The following PPP1R8 variants were observed in gnomAD, a reference collection of about 807,000 sequenced individuals.
The protein encoded by PPP1R8 is nuclear inhibitor of protein phosphatase 1.
In PPP1R8, 4 loss-of-function variants were observed where a neutral mutation model predicts 31.3. The observed-to-expected ratio is 0.13, with a 90% CI of 0.06 to 0.29. The LOEUF is 0.29. Ranked by LOEUF, PPP1R8 falls within the 10% of genes least tolerant of loss-of-function variation. The pLI is 1.00. For synonymous variants in PPP1R8, 170 were observed against 169.7 expected, an observed-to-expected ratio of 1.00 and a Z score of -0.01; for missense variants, 254 against 440.1, an observed-to-expected ratio of 0.58 and a Z score of 3.78.
At chr1:27,831,446 C>T (rs530583945) in intron 1 of PPP1R8, 306 of 757,476 alleles carry the variant, frequency 4.0e-4, no homozygotes, top group Non-Finnish European at 4.8e-4. Context: ...GGCATGAACC[C>T]TTTTTATCCC....
chr1:27,850,284 C>G lies in PPP1R8; in HGVS notation c.894C>G (p.Ala298=). 2 of 1,614,214 alleles carry G rather than the reference C, an allele frequency of 1.2e-6. No individual in the cohort carries two copies. Among genetic ancestry groups the G allele is most frequent in the Non-Finnish European group, 1.7e-6 (2 of 1,180,052 alleles). The change falls in exon 7 of 7, where the codon GCC becomes GCG. Residue 298 remains alanine (A), a synonymous_variant. Coordinates refer to ENST00000311772, the MANE Select transcript of PPP1R8 (RefSeq NM_014110.5). The part of the protein sequence containing the change: ...GGLPMPYPNL[A]PDVDLTPVVP... ...TGCCCATGCCATACCCAAACCTTGC[C>G]CCTGATGTGGACTTGACTCCTGTTG...
intron 5 of PPP1R8, among the ~76,000 whole-genome samples, chr1:27,845,914 C>T (rs1215642128): frequency 6.0e-5 from 9 of 150,926 alleles, no homozygotes; most frequent in Admixed American, 3.3e-4. Context: ...CTCAGCGTCC[C>T]GAGTAGCTGG....
chr1:27,841,333 A>C (rs991083119), intron 4 of PPP1R8, 99 bp downstream of exon 4: 2 of 1,308,562 alleles, frequency 1.5e-6, no homozygotes, highest in African/African-American at 2.9e-5. Context: ...ACTTAGCAGC[A>C]GGGGGTTCTC....
At chr1:27,839,398 G>A (rs568353273) in intron 3 of PPP1R8, among the ~76,000 whole-genome samples, 1 of 151,996 alleles carries the variant, frequency 6.6e-6, no homozygotes, top group Non-Finnish European at 1.5e-5. Context: ...TGTGGCGGCG[G>A]GTGCCTGTAA....
At position 27,851,424 on chromosome 1, in the gene PPP1R8, T is replaced by A; in HGVS notation, c.*978T>A. 2.5e-6 allele frequency: 1 copy of A among 399,884 alleles called. No individual in the cohort carries two copies. Among genetic ancestry groups the A allele is most frequent in the African/African-American group, 2.1e-5 (1 of 48,468 alleles). 24.8% of individuals were successfully genotyped at this position (399,884 alleles called of 1,614,324 possible). On this transcript the variant is annotated 3_prime_UTR_variant, in exon 7 of 7. Transcript: ENST00000311772. ...AAGTTAGGAAACATTGATACAAGCT[T>A]TGTACAGAGATTTGTACATTTGTGT... is the stretch of plus-strand genomic sequence containing the variant.
intron 3 of PPP1R8, among the ~76,000 whole-genome samples, chr1:27,839,289 A>G (rs1356255705): frequency 6.6e-6 from 1 of 152,190 alleles, no homozygotes; most frequent in Non-Finnish European, 1.5e-5. Context: ...GCACTTTGGG[A>G]GGCCGAGGTG....
At chr1:27,834,709 T>G (rs562876054) in intron 2 of PPP1R8, 4 of 336,062 alleles carry the variant, frequency 1.2e-5, no homozygotes, top group Non-Finnish European at 1.8e-5. Context: ...ACATACTGTT[T>G]TCTGTTAAAA....
chr1:27,850,473 A>AT lies in PPP1R8; in HGVS notation c.*29dup. ...ATTTTTGGTCATGGAGAAGGGTGGGATTGGGTGGGAATGGGGTGGAAGGGT... is the reference window on the plus strand; with the variant it reads ...ATTTTTGGTCATGGAGAAGGGTGGGATTTGGGTGGGAATGGGGTGGAAGGGT... On this transcript the variant is annotated 3_prime_UTR_variant, in exon 7 of 7. Coordinates refer to ENST00000311772, the MANE Select transcript of PPP1R8 (RefSeq NM_014110.5). 2.2e-6 allele frequency: 1 copy of AT among 461,088 alleles called. No individual in the cohort carries two copies. Among genetic ancestry groups the AT allele is most frequent in the Non-Finnish European group, 4.5e-6 (1 of 222,310 alleles). The allele number at this position is 461,088 out of a possible 1,614,324, so 28.6% of individuals were successfully genotyped here. A position where few individuals can be genotyped will look rare whatever the true frequency, so the allele number is the denominator to read the frequency against.
At position 27,838,687 on chromosome 1, in the gene PPP1R8, A is replaced by T; in HGVS notation, c.118-12A>T. Reference sequence around the variant, plus strand: ...CAAGATTTAAGTAATATTTAATTTAATATTTATTTAGAAACTGATTATTGA... The same window carrying T: ...CAAGATTTAAGTAATATTTAATTTATTATTTATTTAGAAACTGATTATTGA... On this transcript the variant is annotated splice_polypyrimidine_tract_variant and intron_variant, in intron 2 of 6. Transcript: ENST00000311772. The T allele has an allele frequency of 7.0e-7, 1 of 1,434,760 alleles. No homozygotes were observed. The highest frequency in any genetic ancestry group is 1.4e-5 in the South Asian group (1 of 69,116). The allele number at this position is 1,434,760 out of a possible 1,614,324, so 88.9% of individuals were successfully genotyped here. A position where few individuals can be genotyped will look rare whatever the true frequency, so the allele number is the denominator to read the frequency against.
chr1:27,847,944 G>T (rs1245853447), intron 6 of PPP1R8, among the ~76,000 whole-genome samples: 1 of 152,190 alleles, frequency 6.6e-6, no homozygotes, highest in Admixed American at 6.5e-5. Context: ...CCAGAGGGGT[G>T]CAGAGAGAGG....
intron 1 of PPP1R8, among the ~76,000 whole-genome samples, chr1:27,832,161 T>C (rs375232448): frequency 6.6e-6 from 1 of 152,350 alleles, no homozygotes; most frequent in East Asian, 1.9e-4. Context: ...GGTATGGCTG[T>C]AGGATATAGA....
intron 1 of PPP1R8, among the ~76,000 whole-genome samples, chr1:27,831,891 T>TA (rs1302585404): frequency 6.6e-6 from 1 of 152,206 alleles, no homozygotes; most frequent in Non-Finnish European, 1.5e-5. Flanking sequence ...AGGTGGTTCT[T>TA]TTTTCTAACT....
Position 27,850,138 on chromosome 1 carries a change from G to A in PPP1R8, c.748G>A (p.Gly250Arg). ...GPGSLGLEES[G>R]SRRMQNFAFS... Reference sequence around the variant, plus strand: ...TGGCTCCCTGGGCCTGGAGGAATCAGGGAGCAGGCGCATGCAGAACTTTGC... The same window carrying A: ...TGGCTCCCTGGGCCTGGAGGAATCAAGGAGCAGGCGCATGCAGAACTTTGC... The change falls in exon 7 of 7, where the codon GGG (glycine) becomes AGG (arginine). Residue 250 changes from glycine (G) to arginine (R), a missense_variant. Physicochemically the swap from Gly to Arg is moderately radical, Grantham distance 125 (BLOSUM62 -2). Around this residue, in one of 6 missense-constraint regions of PPP1R8, gnomAD observed 105 missense variants for 128.0 expected, o/e 0.82. Coordinates refer to ENST00000311772, the MANE Select transcript of PPP1R8 (RefSeq NM_014110.5). 6.2e-7 allele frequency: 1 copy of A among 1,604,774 alleles called. No homozygotes were observed.
At chr1:27,836,841 G>A (rs898594701) in intron 2 of PPP1R8, among the ~76,000 whole-genome samples, 10 of 151,624 alleles carry the variant, frequency 6.6e-5, no homozygotes, top group Non-Finnish European at 1.3e-4. Context: ...AGACCAGCCT[G>A]GGCAACATGG....
intron 1 of PPP1R8, chr1:27,831,095 C>T (rs1193018672): frequency 1.2e-5 from 17 of 1,361,620 alleles, no homozygotes; most frequent in Non-Finnish European, 1.4e-5. Context: ...CTGAAGAAAC[C>T]CGGGGTTGGG....
chr1:27,838,913 T>G (rs767330050), intron 3 of PPP1R8, 61 bp downstream of exon 3: 1 of 1,399,798 alleles, frequency 7.1e-7, no homozygotes, highest in Non-Finnish European at 9.5e-7. Context: ...ACTCTTTGGG[T>G]TCTTTAGTTT....
intron 1 of PPP1R8, 49 bp from the exon 2 acceptor site, chr1:27,832,707 C>A: frequency 6.7e-7 from 1 of 1,488,274 alleles, no homozygotes; most frequent in South Asian, 1.2e-5. Flanking sequence ...TTGTAAATAG[C>A]ATTTATAAAC....
intron 5 of PPP1R8, among the ~76,000 whole-genome samples, chr1:27,844,787 A>C (rs2089257438): frequency 7.9e-6 from 1 of 126,956 alleles, no homozygotes; most frequent in Non-Finnish European, 1.6e-5. Flanking sequence ...GCACGATCTC[A>C]GTTCACTGCA....
chr1:27,833,271 G>A (rs1471916162), intron 2 of PPP1R8, among the ~76,000 whole-genome samples: 3 of 152,230 alleles, frequency 2.0e-5, no homozygotes, highest in Non-Finnish European at 4.4e-5. Context: ...TAATGGAATT[G>A]TGGTGAAATT....
Sources: gnomAD v4.1 joint callset for allele counts (sites outside exome capture counted in the v4.1 genomes callset) on GRCh38, gnomAD v4.1.1 for gene constraint, gnomAD v4.1.1 regional missense constraint, MANE v1.5 for transcripts, NCBI Gene and HGNC (gene_info 2026-07-23, HGNC 2026-07-21) for gene names.